The following KCNQ1 variants were observed in gnomAD, a reference collection of about 807,000 sequenced individuals.
The protein encoded by KCNQ1 is potassium voltage-gated channel subfamily Q member 1.
KCNQ1 carries 49 observed loss-of-function variants against 72.4 expected under a neutral mutation model. The ratio of observed to expected loss-of-function variants is 0.68; its 90% confidence interval spans 0.54 to 0.86. The LOEUF (loss-of-function observed/expected upper bound fraction) is 0.86. KCNQ1 is among the 40% of genes least tolerant of loss of function. KCNQ1 has a pLI of 0.00. For synonymous variants in KCNQ1, 450 were observed against 412.6 expected (o/e 1.09, Z -1.10); for missense variants, 790 against 945.1 (o/e 0.84, Z 2.15).
In KCNQ1 at chr11:2,627,202, T is replaced by C. The variant is rs886662820; in HGVS notation, c.1394-34759T>C. 4 of 398,458 alleles carry C rather than the reference T, an allele frequency of 1.0e-5. No homozygotes were observed. Among genetic ancestry groups the C allele is most frequent in the African/African-American group, 4.1e-5 (2 of 48,642 alleles). 24.7% of individuals were successfully genotyped at this position (398,458 alleles called of 1,614,324 possible). A position where few individuals can be genotyped will look rare whatever the true frequency, so the allele number is the denominator to read the frequency against. On this transcript the variant is annotated intron_variant, in intron 10 of 15. Transcript: ENST00000155840. The surrounding 1 kb of genome is among the most constrained non-coding windows in gnomAD (Gnocchi z 4.9). ...TTTTTCAGCTTTTATTGAGGTATAATTGACAAATTAAAAGTGCATATATTT... is the reference window on the plus strand; with the variant it reads ...TTTTTCAGCTTTTATTGAGGTATAACTGACAAATTAAAAGTGCATATATTT...
At chr11:2,521,410 C>T in intron 1 of KCNQ1, 1 of 436,884 alleles carries the variant, frequency 2.3e-6, no homozygotes, top group South Asian at 1.6e-5. Flanking sequence ...CTGCTCATGT[C>T]CTTCCATGCA....
At chr11:2,519,695 T>C (rs1847347746) in intron 1 of KCNQ1, among the ~76,000 whole-genome samples, 2 of 152,172 alleles carry the variant, frequency 1.3e-5, no homozygotes, top group Admixed American at 6.5e-5. Flanking sequence ...TACCTAATTC[T>C]GTTGTTTAAG....
chr11:2,585,220 TG>T lies in KCNQ1; in HGVS notation c.1043del (p.Gly348AlafsTer6). On this transcript the variant is annotated frameshift_variant, in exon 8 of 16. Transcript: ENST00000155840. LOFTEE classifies it high-confidence loss of function. ...TGTCCATTCCTTCCCAGGGGATTCT[TG>T]GCTCGGGGTTTGCCCTGAAGGTGCA... Reference protein sequence around the residue: ...SFFALPAGILGSGFALKVQQK... With the variant: ...SFFALPAGILXSGFALKVQQK... 1 of 1,614,038 alleles carries T rather than the reference TG, an allele frequency of 6.2e-7. No homozygotes were observed. Among genetic ancestry groups the T allele is most frequent in the South Asian group, 1.1e-5 (1 of 91,084 alleles).
chr11:2,611,989 T>C lies in KCNQ1; in HGVS notation c.1393+23135T>C. ...CCTATTCTCTCCTTCTCAGTACTCT[T>C]ATTAACACATATGTTGTTACTCCTT... On this transcript the variant is annotated intron_variant, in intron 10 of 15. Transcript: ENST00000155840. This position sits in a 1 kb window ranked among gnomAD's most constrained non-coding sequence, Gnocchi z 5.3. The C allele has an allele frequency of 2.5e-6, 1 of 398,656 alleles. No homozygotes were observed. 24.7% of individuals were successfully genotyped at this position (398,656 alleles called of 1,614,324 possible). A position where few individuals can be genotyped will look rare whatever the true frequency, so the allele number is the denominator to read the frequency against.
intron 7 of KCNQ1, among the ~76,000 whole-genome samples, chr11:2,584,371 TAG>T (rs1287979741): frequency 1.3e-5 from 2 of 151,602 alleles, no homozygotes; most frequent in African/African-American, 4.9e-5. Context: ...TAGTGTATGT[TAG>T]TGTGTTTGTG....
At chr11:2,455,374 G>C (rs1017865893) in intron 1 of KCNQ1, among the ~76,000 whole-genome samples, 2 of 152,134 alleles carry the variant, frequency 1.3e-5, no homozygotes, top group Admixed American at 1.3e-4. Flanking sequence ...CTGGGATTCA[G>C]GCTTGAGCCA....
At chr11:2,615,927 G>A (rs1849054952) in intron 10 of KCNQ1, 1 of 397,970 alleles carries the variant, frequency 2.5e-6, no homozygotes, top group African/African-American at 2.1e-5. Flanking sequence ...AAGAGTTTGA[G>A]AGGGATTGGT....
rs139249507 is a variant in KCNQ1, at chr11:2,680,206, T to TAA, written c.1514+18145_1514+18146dup. On this transcript the variant is annotated intron_variant, in intron 11 of 15. Coordinates refer to ENST00000155840, the MANE Select transcript of KCNQ1 (RefSeq NM_000218.3). The stretch of plus-strand genomic sequence containing the variant: ...TGCACCTGGCCTCAGCTTGCCTAAT[T>TAA]AAAAAAAAAAAAAAAAAAAAAGTTG... 1.7e-3 allele frequency: 612 copies of TAA among 361,258 alleles called. No individual in the cohort carries two copies. Among genetic ancestry groups the TAA allele is most frequent in the Middle Eastern group, 4.1e-3 (6 of 1,476 alleles). 22.4% of individuals were successfully genotyped at this position (361,258 alleles called of 1,614,324 possible). A position where few individuals can be genotyped will look rare whatever the true frequency, so the allele number is the denominator to read the frequency against.
chr11:2,699,500 G>A (rs551882623), intron 11 of KCNQ1: 1 of 179,644 alleles, frequency 5.6e-6, no homozygotes, highest in Non-Finnish European at 8.8e-6. Context: ...AGAGTGCCGC[G>A]CTGAGGAGCC....
At chr11:2,634,948 T>C (rs1182849858) in intron 10 of KCNQ1, 2 of 152,258 alleles carry the variant, frequency 1.3e-5, no homozygotes, top group East Asian at 1.9e-4. Flanking sequence ...ATGAGCATTT[T>C]TTCATGTGTC....
rs1270264051 is a variant in KCNQ1 at position 2,473,354 on chromosome 11, G to A, written c.386+27870G>A. ...TTGGGGACCTCCAGGGCTTCCATTC[G>A]ACCTGAGGCCCATGGTGCAGTGAGT... On this transcript the variant is annotated intron_variant, in intron 1 of 15. Transcript: ENST00000155840. The surrounding 1 kb of genome is among the most constrained non-coding windows in gnomAD (Gnocchi z 6.0). 2.6e-5 allele frequency among the ~76,000 whole-genome samples: 4 copies of A among 152,142 alleles called. No homozygotes were observed.
At chr11:2,836,682 G>C in intron 15 of KCNQ1, among the ~76,000 whole-genome samples, 1 of 152,230 alleles carries the variant, frequency 6.6e-6, no homozygotes, top group East Asian at 1.9e-4. Flanking sequence ...GCCTCCACAA[G>C]TGTGTCGCAT....
intron 10 of KCNQ1, chr11:2,649,190 G>A (rs534983949): frequency 2.0e-5 from 8 of 397,690 alleles, no homozygotes; most frequent in Non-Finnish European, 3.1e-5. Context: ...TTTCATTTGG[G>A]AAATTTAAAT....
At chr11:2,721,744 A>G (rs1851205993) in intron 11 of KCNQ1, among the ~76,000 whole-genome samples, 1 of 152,058 alleles carries the variant, frequency 6.6e-6, no homozygotes, top group Non-Finnish European at 1.5e-5. Context: ...AGCGGTGGTG[A>G]TGGTCCCCTC....
intron 11 of KCNQ1, chr11:2,699,771 G>T (rs998278640): frequency 5.0e-5 from 19 of 381,722 alleles, no homozygotes; most frequent in Non-Finnish European, 8.2e-5. Context: ...GCGCTGAGGA[G>T]CCCCGAGGAG....
intron 1 of KCNQ1, among the ~76,000 whole-genome samples, chr11:2,504,543 G>A (rs962759724): frequency 2.6e-5 from 4 of 152,094 alleles, no homozygotes; most frequent in African/African-American, 7.2e-5. Context: ...CTCACTTAAG[G>A]CCAGGAGTTC....
rs1307901454 is a variant in KCNQ1 at position 2,725,349 on chromosome 11, C to G, written c.1515-43495C>G. 2.6e-5 allele frequency among the ~76,000 whole-genome samples: 4 copies of G among 152,204 alleles called. No individual in the cohort carries two copies. The highest frequency in any genetic ancestry group is 9.7e-5 in the African/African-American group (4 of 41,448). On this transcript the variant is annotated intron_variant, in intron 11 of 15. Coordinates refer to ENST00000155840, the MANE Select transcript of KCNQ1 (RefSeq NM_000218.3). This position sits in a 1 kb window ranked among gnomAD's most constrained non-coding sequence, Gnocchi z 7.2. ...CCAGCTTTTTTGAGTTCGTGAGTGG[C>G]TGGTGGATACTTAGTGGTTTGGCTT...
chr11:2,644,542 G>A, intron 10 of KCNQ1: 3 of 398,206 alleles, frequency 7.5e-6, no homozygotes, highest in Non-Finnish European at 1.3e-5. Flanking sequence ...AATTTTTCAA[G>A]GTTTCATCAA....
chr11:2,573,995 G>A (rs962262251), intron 6 of KCNQ1, among the ~76,000 whole-genome samples: 1 of 152,238 alleles, frequency 6.6e-6, no homozygotes, highest in Admixed American at 6.5e-5. Flanking sequence ...GCTTGCCAGT[G>A]TCCCTCTGGG....
Sources: gnomAD v4.1 joint callset for allele counts (sites outside exome capture counted in the v4.1 genomes callset) on GRCh38, gnomAD v4.1.1 for gene constraint, Gnocchi (gnomAD v3.1) non-coding constraint, MANE v1.5 for transcripts, NCBI Gene and HGNC (gene_info 2026-07-23, HGNC 2026-07-21) for gene names.